Variants in HS3ST4 observed in about 807,000 individuals in gnomAD.
HS3ST4 encodes heparan sulfate glucosamine 3-O-sulfotransferase 4.
In HS3ST4, 17 loss-of-function variants were observed where a neutral mutation model predicts 29.2. That is an observed-to-expected ratio of 0.58 (90% CI 0.40 to 0.87). The LOEUF is 0.87. Ranked by LOEUF, HS3ST4 falls within the 40% of genes least tolerant of loss-of-function variation. The pLI, the probability that HS3ST4 is intolerant of heterozygous loss-of-function variation, is 0.00. For missense variants in HS3ST4, 627 were observed against 634.5 expected, an observed-to-expected ratio of 0.99 and a Z score of 0.13; for synonymous variants, 314 against 285.7, an observed-to-expected ratio of 1.10 and a Z score of -1.00.
At chr16:26,127,266 G>C (rs1164208254) in intron 1 of HS3ST4, among the ~76,000 whole-genome samples, 1 of 152,120 alleles carries the variant, frequency 6.6e-6, no homozygotes, top group Non-Finnish European at 1.5e-5. Flanking sequence ...CCTAAACGTT[G>C]CTCCCCTTGA....
intron 1 of HS3ST4, among the ~76,000 whole-genome samples, chr16:25,904,856 G>A (rs916017968): frequency 6.6e-6 from 1 of 152,158 alleles, no homozygotes; most frequent in Non-Finnish European, 1.5e-5. Flanking sequence ...GTTAATAAAT[G>A]TGAAGCATTT....
intron 1 of HS3ST4, among the ~76,000 whole-genome samples, chr16:26,010,787 G>A (rs1409823525): frequency 6.6e-6 from 1 of 152,206 alleles, no homozygotes; most frequent in African/African-American, 2.4e-5. Flanking sequence ...ATTGAGCATT[G>A]AAGAATAAGG....
intron 1 of HS3ST4, among the ~76,000 whole-genome samples, chr16:25,957,532 G>A (rs1037953741): frequency 1.4e-4 from 22 of 151,932 alleles, no homozygotes; most frequent in Non-Finnish European, 2.8e-4. Flanking sequence ...ATTCCCCTTC[G>A]TCAGCCTCCC....
chr16:26,085,599 AG>A (rs1472360441), intron 1 of HS3ST4, among the ~76,000 whole-genome samples: 1 of 152,180 alleles, frequency 6.6e-6, no homozygotes, highest in Non-Finnish European at 1.5e-5. Context: ...GGCCAGGCAC[AG>A]TGGCTCACGC....
intron 1 of HS3ST4, among the ~76,000 whole-genome samples, chr16:25,853,206 G>A (rs1472628841): frequency 6.6e-6 from 1 of 151,916 alleles, no homozygotes; most frequent in Non-Finnish European, 1.5e-5. Context: ...GTAAAGAAAT[G>A]CAACTGATTT....
intron 1 of HS3ST4, among the ~76,000 whole-genome samples, chr16:25,941,624 T>G (rs1968572932): frequency 6.6e-6 from 1 of 152,180 alleles, no homozygotes; most frequent in South Asian, 2.1e-4. Context: ...TCACCCAGGC[T>G]GGAGTGCGGT....
intron 1 of HS3ST4, among the ~76,000 whole-genome samples, chr16:25,878,667 T>C (rs1021663804): frequency 6.6e-6 from 1 of 152,162 alleles, no homozygotes; most frequent in African/African-American, 2.4e-5. Context: ...GGGCAGGACC[T>C]TGTGTTTATC....
intron 1 of HS3ST4, among the ~76,000 whole-genome samples, chr16:25,832,680 C>T (rs940184028): frequency 2.6e-5 from 4 of 152,186 alleles, no homozygotes; most frequent in South Asian, 2.1e-4. Flanking sequence ...GCAGCCTCGA[C>T]ATTAGCATAC....
intron 1 of HS3ST4, among the ~76,000 whole-genome samples, chr16:25,869,215 G>C (rs769043849): frequency 1.3e-5 from 2 of 152,070 alleles, no homozygotes; most frequent in Non-Finnish European, 1.5e-5. Flanking sequence ...TTTGCTCTCC[G>C]TGGAGAAACA....
intron 1 of HS3ST4, among the ~76,000 whole-genome samples, chr16:25,740,555 C>G (rs1358151544): frequency 6.6e-6 from 1 of 152,156 alleles, no homozygotes; most frequent in Non-Finnish European, 1.5e-5. Context: ...ACCCGGTATT[C>G]TGGTTGTAGC....
At chr16:25,730,288 T>C (rs1035394553) in intron 1 of HS3ST4, among the ~76,000 whole-genome samples, 2 of 152,180 alleles carry the variant, frequency 1.3e-5, no homozygotes, top group East Asian at 1.9e-4. Flanking sequence ...AAGTTGGTAC[T>C]AGAACAGCTC....
At chr16:25,767,471 G>A (rs1291129186) in intron 1 of HS3ST4, among the ~76,000 whole-genome samples, 1 of 151,976 alleles carries the variant, frequency 6.6e-6, no homozygotes, top group African/African-American at 2.4e-5. Context: ...GGAGGTGGGG[G>A]GTGACAGTCC....
intron 1 of HS3ST4, among the ~76,000 whole-genome samples, chr16:26,109,478 GGCACA>G (rs1382149013): frequency 1.3e-5 from 2 of 152,072 alleles, no homozygotes; most frequent in Non-Finnish European, 2.9e-5. Flanking sequence ...GGAGCAACCA[GGCACA>G]GCACTGGTTC....
At chr16:25,715,194 C>T (rs1355030085) in intron 1 of HS3ST4, among the ~76,000 whole-genome samples, 15 of 151,674 alleles carry the variant, frequency 9.9e-5, no homozygotes, top group African/African-American at 2.4e-4. Context: ...CGGTGGCGGG[C>T]GCCTGTAGTC....
intron 1 of HS3ST4, among the ~76,000 whole-genome samples, chr16:25,942,213 T>TG (rs1301531396): frequency 1.3e-5 from 2 of 152,004 alleles, no homozygotes; most frequent in African/African-American, 4.8e-5. Context: ...ACCTGGAGAC[T>TG]GGGGGGAGGA....
At chr16:25,867,068 A>G (rs1967703142) in intron 1 of HS3ST4, among the ~76,000 whole-genome samples, 1 of 152,218 alleles carries the variant, frequency 6.6e-6, no homozygotes. Flanking sequence ...CATAGAAATA[A>G]TATCCAACTT....
At chr16:25,787,270 G>A (rs1243947945) in intron 1 of HS3ST4, among the ~76,000 whole-genome samples, 1 of 152,246 alleles carries the variant, frequency 6.6e-6, no homozygotes, top group African/African-American at 2.4e-5. Flanking sequence ...GTTAGCAACA[G>A]TGTAAGTATT....
intron 1 of HS3ST4, among the ~76,000 whole-genome samples, chr16:25,913,466 C>G (rs1968259667): frequency 6.6e-6 from 1 of 152,144 alleles, no homozygotes; most frequent in South Asian, 2.1e-4. Flanking sequence ...TCTTGGCCTC[C>G]AAAACTGTGA....
intron 1 of HS3ST4, among the ~76,000 whole-genome samples, chr16:25,747,275 C>G (rs1966691136): frequency 6.6e-6 from 1 of 152,236 alleles, no homozygotes; most frequent in Non-Finnish European, 1.5e-5. Flanking sequence ...CTAGCCATTA[C>G]AGGCTGGTGA....
Sources: gnomAD v4.1 joint callset for allele counts (sites outside exome capture counted in the v4.1 genomes callset) on GRCh38, gnomAD v4.1.1 for gene constraint, MANE v1.5 for transcripts, NCBI Gene and HGNC (gene_info 2026-07-23, HGNC 2026-07-21) for gene names.